The following UBA2 variants were observed in gnomAD, a reference collection of about 807,000 sequenced individuals.
The protein encoded by UBA2 is SUMO-activating enzyme subunit 2.
Under a neutral mutation model 77.2 loss-of-function variants are expected in UBA2, and 11 were observed. The ratio of observed to expected loss-of-function variants is 0.14; its 90% confidence interval spans 0.09 to 0.24. The LOEUF is 0.24. UBA2 is among the 10% of genes least tolerant of loss of function. UBA2 has a pLI of 1.00. For synonymous variants in UBA2, 278 were observed against 276.7 expected, an observed-to-expected ratio of 1.00 and a Z score of -0.05; for missense variants, 487 against 781.7, an observed-to-expected ratio of 0.62 and a Z score of 4.50.
At chr19:34,442,282 C>T (rs1035022510) in intron 6 of UBA2, among the ~76,000 whole-genome samples, 11 of 152,082 alleles carry the variant, frequency 7.2e-5, no homozygotes, top group Admixed American at 5.9e-4. Context: ...GCATTTTTCA[C>T]TCGAAGGGAA....
intron 5 of UBA2, among the ~76,000 whole-genome samples, chr19:34,435,213 C>T (rs144918245): frequency 6.6e-6 from 1 of 151,778 alleles, no homozygotes; most frequent in African/African-American, 2.4e-5. Flanking sequence ...GCCTGGCAAG[C>T]ATGGTGAAAC....
chr19:34,442,844 G>A (rs548038474), intron 6 of UBA2, among the ~76,000 whole-genome samples: 12 of 152,310 alleles, frequency 7.9e-5, no homozygotes, highest in African/African-American at 2.6e-4. Flanking sequence ...TTGGCAAAGC[G>A]TTAATTTTAG....
At chr19:34,435,659 G>A (rs1220552147) in intron 5 of UBA2, among the ~76,000 whole-genome samples, 2 of 151,728 alleles carry the variant, frequency 1.3e-5, no homozygotes, top group African/African-American at 2.4e-5. Context: ...GTGAAACCAC[G>A]TCTCTACAAA....
At chr19:34,464,236 T>C (rs2075663579) in intron 15 of UBA2, 105 bp downstream of exon 15, 2 of 751,946 alleles carry the variant, frequency 2.7e-6, no homozygotes, top group Non-Finnish European at 4.5e-6. Context: ...GCTGTTCATT[T>C]GAAACTGTAT....
intron 3 of UBA2, 35 bp downstream of exon 3, chr19:34,431,966 A>AAGTATAG (rs2145488539): frequency 6.5e-7 from 1 of 1,549,074 alleles, no homozygotes; most frequent in East Asian, 2.3e-5. Context: ...AAGTTGTATA[A>AAGTATAG]GGGTTTTGTA....
intron 12 of UBA2, among the ~76,000 whole-genome samples, chr19:34,455,780 A>G (rs2075551675): frequency 6.6e-6 from 1 of 152,028 alleles, no homozygotes; most frequent in South Asian, 2.1e-4. Flanking sequence ...AGTAGCTAGG[A>G]TTACAGGTGC....
intron 3 of UBA2, 82 bp downstream of exon 3, chr19:34,432,013 TA>T (rs1336044006): frequency 8.3e-5 from 90 of 1,078,258 alleles, no homozygotes; most frequent in Admixed American, 1.4e-4. Context: ...TCAGCTTTTT[TA>T]AAAAAAATGA....
chr19:34,459,295 A>G (rs960272172), intron 13 of UBA2, among the ~76,000 whole-genome samples: 2 of 152,210 alleles, frequency 1.3e-5, no homozygotes, highest in Admixed American at 1.3e-4. Context: ...AAGTATTTGC[A>G]TGCAGTGCAA....
chr19:34,454,032 G>C (rs1461147415), intron 10 of UBA2, among the ~76,000 whole-genome samples: 7 of 152,090 alleles, frequency 4.6e-5, no homozygotes. Context: ...TGGTGTTCTT[G>C]TCAGACTCAT....
intron 12 of UBA2, among the ~76,000 whole-genome samples, chr19:34,454,768 A>G (rs1263343790): frequency 6.6e-6 from 1 of 152,202 alleles, no homozygotes; most frequent in African/African-American, 2.4e-5. Flanking sequence ...TGCTTTTAAC[A>G]TTTCCAATTT....
intron 12 of UBA2, among the ~76,000 whole-genome samples, chr19:34,456,016 G>A (rs2075555103): frequency 6.6e-6 from 1 of 150,778 alleles, no homozygotes; most frequent in African/African-American, 2.4e-5. Flanking sequence ...GGCTCAAGCA[G>A]TCCTCCCACC....
chr19:34,458,371 C>T (rs1028667879), intron 12 of UBA2, among the ~76,000 whole-genome samples: 5 of 151,520 alleles, frequency 3.3e-5, no homozygotes, highest in Admixed American at 2.6e-4. Flanking sequence ...CTGGCTAACA[C>T]GGTGAAACCC....
chr19:34,468,832 A>C (rs1172298828), intron 16 of UBA2, among the ~76,000 whole-genome samples: 1 of 152,206 alleles, frequency 6.6e-6, no homozygotes, highest in Non-Finnish European at 1.5e-5. Flanking sequence ...GCTTGTCACA[A>C]TTTTTTGTTT....
At position 34,428,544 on chromosome 19, in the gene UBA2, C is replaced by A; in HGVS notation, c.112C>A (p.Leu38Ile). The A allele has an allele frequency of 7.6e-7, 1 of 1,307,404 alleles. No homozygotes were observed. The allele number at this position is 1,307,404 out of a possible 1,614,324, so 81.0% of individuals were successfully genotyped here. ...CTGCGAGCTCCTCAAGAATCTCGTG[C>A]TCACCGGTTTCTCCCACATCGACCT... is the stretch of plus-strand genomic sequence containing the variant. ...IGCELLKNLV[L>I]TGFSHIDLID... is the part of the protein sequence containing the mutation. The change falls in exon 1 of 17, where the codon CTC becomes ATC. Residue 38 changes from leucine (L) to isoleucine (I), a missense_variant. Transcript: ENST00000246548.
At chr19:34,447,031 G>A (rs1302700381) in intron 8 of UBA2, among the ~76,000 whole-genome samples, 1 of 152,124 alleles carries the variant, frequency 6.6e-6, no homozygotes, top group Non-Finnish European at 1.5e-5. Flanking sequence ...AAGGGGAGTT[G>A]ATAGAGTATT....
At chr19:34,443,952 A>T (rs755118829) in intron 7 of UBA2, 41 bp downstream of exon 7, 1 of 1,383,338 alleles carries the variant, frequency 7.2e-7, no homozygotes, top group Non-Finnish European at 1.0e-6. Flanking sequence ...AGATACTATT[A>T]TCTTTATTTT....
rs773178552 is a variant in UBA2 at position 34,451,536 on chromosome 19, G to GTTTT, written c.872-419_872-416dup. ...TACCTTTCCTATCTCAGGTTTAACAGTTTTTTTTTTTTTTTTTTTTTTTTT... is the reference window on the plus strand; with the variant it reads ...TACCTTTCCTATCTCAGGTTTAACAGTTTTTTTTTTTTTTTTTTTTTTTTTTTTT... On this transcript the variant is annotated intron_variant, in intron 9 of 16. Coordinates refer to ENST00000246548, the MANE Select transcript of UBA2 (RefSeq NM_005499.3). 9.5e-4 allele frequency among the ~76,000 whole-genome samples: 60 copies of GTTTT among 62,968 alleles called. 6 individuals are homozygous for GTTTT. Among genetic ancestry groups the GTTTT allele is most frequent in the Admixed American group, 1.9e-3 (7 of 3,754 alleles). 41.3% of individuals were successfully genotyped at this position (62,968 alleles called of 152,430 possible).
intron 8 of UBA2, among the ~76,000 whole-genome samples, chr19:34,445,562 C>G (rs1485317957): frequency 6.6e-6 from 1 of 151,860 alleles, no homozygotes; most frequent in African/African-American, 2.4e-5. Context: ...CCTCAGCCTT[C>G]CGAGTAGCTG....
intron 8 of UBA2, among the ~76,000 whole-genome samples, chr19:34,446,417 T>C (rs2075430796): frequency 6.6e-6 from 1 of 152,190 alleles, no homozygotes; most frequent in South Asian, 2.1e-4. Flanking sequence ...GCTTTCCTTT[T>C]GTACCATTCT....
Sources: gnomAD v4.1 joint callset for allele counts (sites outside exome capture counted in the v4.1 genomes callset) on GRCh38, gnomAD v4.1.1 for gene constraint, MANE v1.5 for transcripts, NCBI Gene and HGNC (gene_info 2026-07-23, HGNC 2026-07-21) for gene names.